GUCY1A2: variants seen among roughly 807,000 people sequenced by gnomAD.
The protein encoded by GUCY1A2 is guanylate cyclase 1 soluble subunit alpha 2.
GUCY1A2 carries 27 observed loss-of-function variants against 63.5 expected under a neutral mutation model. The observed-to-expected ratio is 0.43, with a 90% confidence interval of 0.31 to 0.59. The LOEUF is 0.59. GUCY1A2 is among the 20% of genes least tolerant of loss of function. GUCY1A2 has a pLI of 0.11. For synonymous variants in GUCY1A2, 364 were observed against 343.5 expected (o/e 1.06, Z -0.66); for missense variants, 768 against 913.3 (o/e 0.84, Z 2.05).
rs1047838077 is a variant in GUCY1A2 at position 106,675,600 on chromosome 11, C to A, written c.*11949G>T. 12 of 189,788 alleles carry A rather than the reference C, an allele frequency of 6.3e-5. No homozygotes were observed. Among genetic ancestry groups the A allele is most frequent in the Non-Finnish European group, 1.3e-4 (12 of 90,488 alleles). The allele number at this position is 189,788 out of a possible 1,614,324, so 11.8% of individuals were successfully genotyped here. A position where few individuals can be genotyped will look rare whatever the true frequency, so the allele number is the denominator to read the frequency against. On this transcript the variant is annotated 3_prime_UTR_variant, in exon 8 of 8. Coordinates refer to ENST00000526355, the MANE Select transcript of GUCY1A2 (RefSeq NM_000855.3). ...CTTAATTTCTTCTATTTTTCTCAAC[C>A]ATATTTCTTCTATTTTTACAATCAT...
chr11:106,817,923 A>C (rs1223170879), intron 4 of GUCY1A2, among the ~76,000 whole-genome samples: 1 of 152,178 alleles, frequency 6.6e-6, no homozygotes. Flanking sequence ...CCATGATGAC[A>C]AACAGTATCA....
In GUCY1A2 at chr11:106,981,870, G is replaced by A. The variant is rs1400961603; in HGVS notation, c.366-3130C>T. On this transcript the variant is annotated intron_variant, in intron 2 of 7. Transcript: ENST00000526355. ...AACTTTAAAAGGCCCAAGGAAGACA[G>A]GAAAAGGTTGCAGCAGGAGGATAAA... Among the ~76,000 whole-genome samples the A allele has an allele frequency of 5.3e-5, 8 of 152,264 alleles. No homozygotes were observed. In the Middle Eastern group the frequency reaches 0.017, roughly 324 times the overall value.
intron 3 of GUCY1A2, among the ~76,000 whole-genome samples, chr11:106,965,645 C>T (rs1261667935): frequency 6.6e-6 from 1 of 152,152 alleles, no homozygotes; most frequent in Admixed American, 6.5e-5. Flanking sequence ...TTCCCATTAG[C>T]TTCTATGCTG....
At chr11:106,708,295 T>C (rs566124458) in intron 7 of GUCY1A2, among the ~76,000 whole-genome samples, 1 of 152,226 alleles carries the variant, frequency 6.6e-6, no homozygotes, top group African/African-American at 2.4e-5. Flanking sequence ...CAAACCTATA[T>C]TCACCTCTCA....
chr11:106,877,843 T>C (rs1050978949), intron 4 of GUCY1A2, among the ~76,000 whole-genome samples: 3 of 151,952 alleles, frequency 2.0e-5, no homozygotes, highest in African/African-American at 7.3e-5. Context: ...ACAGACAAAC[T>C]ACAGAATGAG....
chr11:106,709,487 TATATATATATAATA>T (rs1863009013), intron 6 of GUCY1A2, among the ~76,000 whole-genome samples: 1 of 21,880 alleles, frequency 4.6e-5, no homozygotes, highest in Non-Finnish European at 6.7e-5. Flanking sequence ...ATTATATATT[TATATATATATAATA>T]ATATATATTA....
chr11:106,764,811 G>A (rs1417919738), intron 6 of GUCY1A2, among the ~76,000 whole-genome samples: 2 of 151,928 alleles, frequency 1.3e-5, no homozygotes, highest in African/African-American at 4.8e-5. Flanking sequence ...CTGAAAAAAA[G>A]CAAAGCTTTT....
At chr11:106,785,547 C>T (rs1864541043) in intron 5 of GUCY1A2, among the ~76,000 whole-genome samples, 1 of 151,364 alleles carries the variant, frequency 6.6e-6, no homozygotes, top group Non-Finnish European at 1.5e-5. Flanking sequence ...ACTTTATATC[C>T]CTGGACCTGA....
intron 6 of GUCY1A2, among the ~76,000 whole-genome samples, chr11:106,714,291 T>C (rs1863179400): frequency 6.6e-6 from 1 of 151,898 alleles, no homozygotes; most frequent in Admixed American, 6.6e-5. Flanking sequence ...AACAACCACA[T>C]AAACAGCACT....
intron 7 of GUCY1A2, among the ~76,000 whole-genome samples, chr11:106,699,930 C>G (rs1385010389): frequency 1.3e-5 from 2 of 151,868 alleles, no homozygotes; most frequent in African/African-American, 2.4e-5. Context: ...TACAGGCGCC[C>G]GTCCCCTCGC....
chr11:107,000,812 C>T (rs975519383), intron 1 of GUCY1A2, among the ~76,000 whole-genome samples: 13 of 152,188 alleles, frequency 8.5e-5, no homozygotes, highest in Non-Finnish European at 1.6e-4. Flanking sequence ...AGCCAAAAAG[C>T]AAATAATTGG....
chr11:106,706,716 C>G (rs2135347659), intron 7 of GUCY1A2, among the ~76,000 whole-genome samples: 1 of 148,630 alleles, frequency 6.7e-6, no homozygotes, highest in African/African-American at 2.5e-5. Context: ...CTAAGTTACA[C>G]AAACATGGAA....
At chr11:106,942,004 G>T (rs1860758133) in intron 3 of GUCY1A2, among the ~76,000 whole-genome samples, 1 of 152,164 alleles carries the variant, frequency 6.6e-6, no homozygotes, top group Admixed American at 6.5e-5. Flanking sequence ...TTCAACATGT[G>T]TTGCATTCAC....
In GUCY1A2 at chr11:106,943,516, T is replaced by C. The variant is rs142330083; in HGVS notation, c.488-3338A>G. On this transcript the variant is annotated intron_variant, in intron 3 of 7. Coordinates refer to ENST00000526355, the MANE Select transcript of GUCY1A2 (RefSeq NM_000855.3). ...TAGCTGTAAATGAAATACGATCTGT[T>C]CCTTCATGATCTGGCCCTGTTGTCT... 4.5e-3 allele frequency among the ~76,000 whole-genome samples: 687 copies of C among 152,332 alleles called. 4 individuals carry two copies. Among genetic ancestry groups the C allele is most frequent in the Non-Finnish European group, 6.4e-3 (436 of 68,030 alleles).
chr11:106,870,341 T>G (rs1377124514), intron 4 of GUCY1A2, among the ~76,000 whole-genome samples: 1 of 152,132 alleles, frequency 6.6e-6, no homozygotes, highest in Admixed American at 6.6e-5. Context: ...TTTAACACTG[T>G]TAAATTGAAT....
At chr11:106,957,902 GTGT>G (rs1401776081) in intron 3 of GUCY1A2, among the ~76,000 whole-genome samples, 4 of 137,312 alleles carry the variant, frequency 2.9e-5, no homozygotes, top group Non-Finnish European at 6.1e-5. Context: ...GAAAAAAAAG[GTGT>G]TGTGGTAAAG....
chr11:106,954,453 C>T (rs1365128398), intron 3 of GUCY1A2, among the ~76,000 whole-genome samples: 1 of 152,126 alleles, frequency 6.6e-6, no homozygotes, highest in Non-Finnish European at 1.5e-5. Context: ...AGGGTAAGTG[C>T]CATGTGGCAC....
intron 2 of GUCY1A2, among the ~76,000 whole-genome samples, chr11:106,984,048 G>A (rs1861370608): frequency 6.6e-6 from 1 of 152,152 alleles, no homozygotes; most frequent in African/African-American, 2.4e-5. Flanking sequence ...AGGCAAAAGA[G>A]GAAGTTGGAC....
At chr11:107,002,675 T>A (rs929419915) in intron 1 of GUCY1A2, among the ~76,000 whole-genome samples, 5 of 152,074 alleles carry the variant, frequency 3.3e-5, no homozygotes, top group African/African-American at 1.2e-4. Flanking sequence ...TTGAGTAAAA[T>A]TACTGAAGGA....
Sources: allele counts gnomAD v4.1 joint callset (sites outside exome capture counted in the v4.1 genomes callset), GRCh38; gene constraint gnomAD v4.1.1; transcripts MANE v1.5; gene names NCBI Gene and HGNC (gene_info 2026-07-23, HGNC 2026-07-21).